Variants in DISC1 observed in about 807,000 individuals in gnomAD.
DISC1 encodes DISC1 scaffold protein.
A neutral mutation model predicts 84.5 loss-of-function variants in DISC1; 57 were observed. The ratio of observed to expected loss-of-function variants is 0.67; its 90% CI spans 0.55 to 0.84. The LOEUF (loss-of-function observed/expected upper bound fraction) is 0.84. DISC1 is among the 40% of genes least tolerant of loss of function. The pLI, the probability that DISC1 is intolerant of heterozygous loss-of-function variation, is 0.00. For synonymous variants in DISC1, 411 were observed against 415.2 expected (o/e 0.99, Z 0.12); for missense variants, 1,000 against 1,057.8 (o/e 0.95, Z 0.76).
chr1:231,769,431 T>C (rs940494830), intron 5 of DISC1, among the ~76,000 whole-genome samples: 11 of 152,182 alleles, frequency 7.2e-5, no homozygotes, highest in African/African-American at 2.7e-4. Context: ...GAGATATTAG[T>C]CTCGGAAGGA....
chr1:231,993,588 C>T (rs12406771), intron 10 of DISC1, among the ~76,000 whole-genome samples: 8,217 of 152,208 alleles, frequency 0.054, 307 homozygotes, highest in East Asian at 0.2. Context: ...TTCTAGCCTT[C>T]ATTTGGTTCA....
At chr1:231,906,072 G>C (rs1207664033) in intron 9 of DISC1, among the ~76,000 whole-genome samples, 2 of 144,290 alleles carry the variant, frequency 1.4e-5, no homozygotes, top group African/African-American at 5.2e-5. Flanking sequence ...GCCCAGGCTG[G>C]AGTGTAATGG....
chr1:231,878,863 T>G (rs1468307567), intron 9 of DISC1, among the ~76,000 whole-genome samples: 1 of 152,210 alleles, frequency 6.6e-6, no homozygotes, highest in Non-Finnish European at 1.5e-5. Context: ...AGAAACTTTA[T>G]ATAAAGGGAG....
intron 9 of DISC1, among the ~76,000 whole-genome samples, chr1:231,867,325 A>G (rs1267529947): frequency 2.0e-5 from 3 of 152,238 alleles, no homozygotes; most frequent in Admixed American, 2.0e-4. Flanking sequence ...TTAGCATGCA[A>G]CGGATGTACC....
chr1:232,035,657 A>G (rs1009923836), intron 12 of DISC1, among the ~76,000 whole-genome samples: 12 of 152,118 alleles, frequency 7.9e-5, no homozygotes, highest in African/African-American at 2.7e-4. Context: ...TGACTTCAGC[A>G]TATTTAGGTG....
At chr1:231,711,323 GA>G (rs1315338985) in intron 3 of DISC1, among the ~76,000 whole-genome samples, 1 of 145,964 alleles carries the variant, frequency 6.9e-6, no homozygotes, top group African/African-American at 2.5e-5. Context: ...TTTTTTTTTA[GA>G]ATTGATGTTT....
intron 3 of DISC1, chr1:231,723,703 C>T: frequency 1.0e-6 from 1 of 985,466 alleles, no homozygotes; most frequent in Non-Finnish European, 1.2e-6. Context: ...ATTCAGTCTT[C>T]CATTCATCTC....
chr1:231,922,653 G>C (rs1350588001), intron 9 of DISC1, among the ~76,000 whole-genome samples: 1 of 151,906 alleles, frequency 6.6e-6, no homozygotes, highest in Non-Finnish European at 1.5e-5. Flanking sequence ...TGAGGCAGGA[G>C]AGTGACCCCA....
intron 9 of DISC1, among the ~76,000 whole-genome samples, chr1:231,949,380 C>T (rs546864454): frequency 2.6e-5 from 4 of 152,294 alleles, no homozygotes; most frequent in South Asian, 4.1e-4. Context: ...TGGATGTGGA[C>T]AGCATGTGTG....
chr1:231,806,218 G>T (rs995673797), intron 8 of DISC1, among the ~76,000 whole-genome samples: 12 of 152,170 alleles, frequency 7.9e-5, no homozygotes, highest in African/African-American at 2.9e-4. Context: ...ATCTGAGTTG[G>T]GGGAGACCCA....
At chr1:231,708,443 A>C (rs562996804) in intron 3 of DISC1, among the ~76,000 whole-genome samples, 1 of 152,354 alleles carries the variant, frequency 6.6e-6, no homozygotes, top group Admixed American at 6.5e-5. Flanking sequence ...GATTTCCTCA[A>C]TAGATGAAGA....
At chr1:231,707,099 G>C (rs1398863058) in intron 3 of DISC1, among the ~76,000 whole-genome samples, 2 of 152,092 alleles carry the variant, frequency 1.3e-5, no homozygotes, top group African/African-American at 4.8e-5. Context: ...GAATAGAATC[G>C]GCCATTCTTA....
In DISC1 at chr1:232,037,147, A is replaced by G. The variant is rs553068072; in HGVS notation, c.*316A>G. Reference sequence around the variant, plus strand: ...TTCATCTCAGCCCCCATTAGAGAGAAGTTGGGGTGAATTCTGGAAAAATGT... The same window carrying G: ...TTCATCTCAGCCCCCATTAGAGAGAGGTTGGGGTGAATTCTGGAAAAATGT... On this transcript the variant is annotated 3_prime_UTR_variant, in exon 13 of 13. Coordinates refer to ENST00000439617, the MANE Select transcript of DISC1 (RefSeq NM_018662.3). 1 of 185,810 alleles carries G rather than the reference A, an allele frequency of 5.4e-6. No homozygotes were observed. Among genetic ancestry groups the G allele is most frequent in the South Asian group, 2.0e-4 (1 of 5,104 alleles). 11.5% of individuals were successfully genotyped at this position (185,810 alleles called of 1,614,324 possible). A position where few individuals can be genotyped will look rare whatever the true frequency, so the allele number is the denominator to read the frequency against.
chr1:231,637,414 G>T (rs1268521725), intron 1 of DISC1, among the ~76,000 whole-genome samples: 1 of 152,172 alleles, frequency 6.6e-6, no homozygotes, highest in Non-Finnish European at 1.5e-5. Context: ...TTGCCTAATG[G>T]TCAAGTCGGG....
chr1:231,871,508 G>A (rs2085462626), intron 9 of DISC1, among the ~76,000 whole-genome samples: 1 of 152,240 alleles, frequency 6.6e-6, no homozygotes, highest in Non-Finnish European at 1.5e-5. Context: ...TGTCGTTGAT[G>A]TGGAAGTGCA....
intron 9 of DISC1, among the ~76,000 whole-genome samples, chr1:231,857,711 C>A (rs1403679570): frequency 6.6e-6 from 1 of 152,192 alleles, no homozygotes; most frequent in African/African-American, 2.4e-5. Context: ...GTTTGACTTT[C>A]TTCCGGAATC....
rs191395568 is a variant in DISC1, at chr1:232,020,839, G to T, written c.2308-5596G>T. On this transcript the variant is annotated intron_variant, in intron 11 of 12. Coordinates refer to ENST00000439617, the MANE Select transcript of DISC1 (RefSeq NM_018662.3). ...AATAAAACAGATAAAATTAGAAATT[G>T]AGGTAGAGTTGACAGTAAAAACCCT... Among the ~76,000 whole-genome samples, 8 of 152,290 alleles carry T rather than the reference G, an allele frequency of 5.3e-5. No individual in the cohort carries two copies. The East Asian group carries it at 1.5e-3, about 29-fold the overall frequency.
At chr1:231,896,608 C>T (rs1017269459) in intron 9 of DISC1, among the ~76,000 whole-genome samples, 14 of 152,126 alleles carry the variant, frequency 9.2e-5, no homozygotes, top group Non-Finnish European at 1.5e-5. Context: ...TTCATAGAGC[C>T]AGACTTGAGG....
intron 9 of DISC1, among the ~76,000 whole-genome samples, chr1:231,851,848 T>G (rs2083925033): frequency 1.3e-5 from 2 of 152,094 alleles, no homozygotes; most frequent in African/African-American, 4.8e-5. Flanking sequence ...ACAAAAGGCT[T>G]AGAATATAAA....
Sources: gnomAD v4.1 joint callset for allele counts (sites outside exome capture counted in the v4.1 genomes callset) on GRCh38, gnomAD v4.1.1 for gene constraint, MANE v1.5 for transcripts, NCBI Gene and HGNC (gene_info 2026-07-23, HGNC 2026-07-21) for gene names.